Variants in ITGAE observed in about 807,000 individuals in gnomAD.
The protein encoded by ITGAE is integrin subunit alpha E.
ITGAE carries 99 observed loss-of-function variants against 136.5 expected under a neutral mutation model. The ratio of observed to expected loss-of-function variants is 0.73; its 90% CI spans 0.62 to 0.86. The LOEUF (loss-of-function observed/expected upper bound fraction) is 0.86. Ranked by LOEUF, ITGAE falls within the 40% of genes least tolerant of loss-of-function variation. The pLI is 0.00. For missense variants in ITGAE, 1,447 were observed against 1,515.3 expected (o/e 0.95, Z 0.75); for synonymous variants, 613 against 591.8 (o/e 1.04, Z -0.52).
intron 15 of ITGAE, among the ~76,000 whole-genome samples, 182 bp from the exon 16 acceptor site, chr17:3,750,664 G>T (rs750735212): frequency 6.6e-6 from 1 of 152,098 alleles, no homozygotes. Flanking sequence ...ATGGAGCCTC[G>T]AAGGGCAGGT....
chr17:3,751,103 T>C (rs1353064436), intron 15 of ITGAE, among the ~76,000 whole-genome samples: 2 of 151,254 alleles, frequency 1.3e-5, no homozygotes, highest in African/African-American at 2.4e-5. Flanking sequence ...GGGGATGAGG[T>C]CTCAGAGGAG....
At position 3,761,178 on chromosome 17, in the gene ITGAE, C is replaced by CT; in HGVS notation, c.434-2dup. ...CGTGCATCTGGATCCAGGAGATTTT[C>CT]TTTAAAAACACACATGGAAGAGCTC... is the stretch of plus-strand genomic sequence containing the variant. On this transcript the variant is annotated splice_acceptor_variant, in intron 5 of 30. Coordinates refer to ENST00000263087, the MANE Select transcript of ITGAE (RefSeq NM_002208.5). LOFTEE classifies it high-confidence loss of function. 1 of 1,585,700 alleles carries CT rather than the reference C, an allele frequency of 6.3e-7. No individual in the cohort carries two copies. Among genetic ancestry groups the CT allele is most frequent in the Non-Finnish European group, 8.6e-7 (1 of 1,162,972 alleles).
intron 18 of ITGAE, among the ~76,000 whole-genome samples, chr17:3,745,272 G>A (rs900097297): frequency 5.3e-5 from 8 of 152,136 alleles, no homozygotes; most frequent in Admixed American, 5.2e-4. Flanking sequence ...GCATTCCTGA[G>A]TTATTACCAA....
At position 3,762,478 on chromosome 17, in the gene ITGAE, C is replaced by A. The variant is rs1439323595; in HGVS notation, c.248-496G>T. Reference sequence around the variant, plus strand: ...CAGAAATGGTAGCTCCTTCCTCGTCCTCCCCACTGTCAGCCTCAGGATACT... The same window carrying A: ...CAGAAATGGTAGCTCCTTCCTCGTCATCCCCACTGTCAGCCTCAGGATACT... On this transcript the variant is annotated intron_variant, in intron 3 of 30. Transcript: ENST00000263087. Among the ~76,000 whole-genome samples, 3 of 152,126 alleles carry A rather than the reference C, an allele frequency of 2.0e-5. No homozygotes were observed. The South Asian group carries it at 6.2e-4, about 31-fold the overall frequency.
In ITGAE at chr17:3,784,607, A is replaced by C. The variant is rs535690605; in HGVS notation, c.35-6947T>G. On this transcript the variant is annotated intron_variant, in intron 1 of 30. Transcript: ENST00000263087. ...ACGGGGTTTCACCATGTTGGCCAGG[A>C]TGGTCTCAATCTCTTGACCTCGTGA... Among the ~76,000 whole-genome samples, 8 of 152,084 alleles carry C rather than the reference A, an allele frequency of 5.3e-5. No homozygotes were observed. The East Asian group carries it at 1.6e-3, about 30-fold the overall frequency.
At chr17:3,731,025 C>A in intron 23 of ITGAE, 79 bp downstream of exon 23, 1 of 1,176,248 alleles carries the variant, frequency 8.5e-7, no homozygotes, top group Non-Finnish European at 1.3e-6. Flanking sequence ...GGGGGCCGTT[C>A]CTCTCACAGC....
Position 3,749,685 on chromosome 17 carries a change from C to T in ITGAE, c.2024+667G>A, listed in dbSNP as rs371912728. Among the ~76,000 whole-genome samples the T allele has an allele frequency of 1.2e-4, 18 of 152,144 alleles. No homozygotes were observed. In the East Asian group the frequency reaches 1.5e-3, roughly 13 times the overall value. On this transcript the variant is annotated intron_variant, in intron 16 of 30. Coordinates refer to ENST00000263087, the MANE Select transcript of ITGAE (RefSeq NM_002208.5). ...CGCTCCATGAGCTCATTTACAGCCACGGGACTTGATCATTCACTGAGGGAT... is the reference window on the plus strand; with the variant it reads ...CGCTCCATGAGCTCATTTACAGCCATGGGACTTGATCATTCACTGAGGGAT...
chr17:3,717,839 G>A (rs368368591), intron 29 of ITGAE: 1 of 151,316 alleles, frequency 6.6e-6, no homozygotes, highest in Non-Finnish European at 1.5e-5. Flanking sequence ...TAGCAACAAA[G>A]AGGGAGGAAG....
chr17:3,775,171 G>A lies in ITGAE; in HGVS notation c.155+2369C>T, dbSNP rs576311174. On this transcript the variant is annotated intron_variant, in intron 2 of 30. Transcript: ENST00000263087. ...TCACTGTGTTACCCAGGCTGGTCTC[G>A]AACTCCTGGGCTCATGTGATCCACC... Among the ~76,000 whole-genome samples the A allele has an allele frequency of 6.6e-4, 101 of 151,956 alleles. 1 individual carries two copies. In the South Asian group the frequency reaches 0.02, roughly 30 times the overall value.
chr17:3,729,646 G>C (rs2051296423), intron 23 of ITGAE, 91 bp from the exon 24 acceptor site: 2 of 870,692 alleles, frequency 2.3e-6, no homozygotes, highest in Admixed American at 3.4e-5. Context: ...CCAGGCAGGA[G>C]TGCAGTGTTG....
At chr17:3,723,430 G>T in intron 27 of ITGAE, 47 bp from the exon 28 acceptor site, 2 of 1,400,298 alleles carry the variant, frequency 1.4e-6, no homozygotes, top group Non-Finnish European at 2.0e-6. Context: ...CGTGCGGAAA[G>T]TCTGAAATCT....
intron 2 of ITGAE, among the ~76,000 whole-genome samples, chr17:3,776,054 C>CTTTTTTTTTT (rs71153398): frequency 8.1e-6 from 1 of 122,850 alleles, no homozygotes; most frequent in Non-Finnish European, 1.7e-5. Context: ...GTGCTAAGCC[C>CTTTTTTTTTT]TTTTTTTTTT....
At chr17:3,792,408 C>T (rs1276960237) in intron 1 of ITGAE, among the ~76,000 whole-genome samples, 1 of 152,224 alleles carries the variant, frequency 6.6e-6, no homozygotes. Context: ...TGAGCCACCG[C>T]GCCCGGCCTG....
chr17:3,786,613 C>T (rs551995028), intron 1 of ITGAE, among the ~76,000 whole-genome samples: 9 of 152,198 alleles, frequency 5.9e-5, no homozygotes, highest in African/African-American at 9.6e-5. Context: ...ATAATACGGC[C>T]GGGTGCAGTG....
At chr17:3,754,809 A>C (rs1178456582) in intron 12 of ITGAE, 19 of 217,328 alleles carry the variant, frequency 8.7e-5, no homozygotes, top group Non-Finnish European at 1.1e-4. Flanking sequence ...GCCCTCACCC[A>C]GGTGGTCTCC....
At position 3,725,250 on chromosome 17, in the gene ITGAE, T is replaced by A. The variant is rs1425288051; in HGVS notation, c.3085-1506A>T. 1 of 1,614,092 alleles carries A rather than the reference T, an allele frequency of 6.2e-7. No individual in the cohort carries two copies. Among genetic ancestry groups the A allele is most frequent in the East Asian group, 2.2e-5 (1 of 44,900 alleles). ...TGGTGCTCCGTCCTCTTGGCACTCC[T>A]CCTCTATGTATTTGCTAAGCCCCTT... On this transcript the variant is annotated intron_variant, in intron 26 of 30. Transcript: ENST00000263087.
intron 29 of ITGAE, 40 bp downstream of exon 29, chr17:3,720,267 A>G: frequency 1.0e-6 from 1 of 977,720 alleles, no homozygotes; most frequent in Middle Eastern, 2.1e-4. Flanking sequence ...GTTAGGCACA[A>G]TTTTCCTTGG....
chr17:3,753,304 G>A lies in ITGAE; in HGVS notation c.1654C>T (p.Arg552Cys), dbSNP rs767101124. Reference sequence around the variant, plus strand: ...GACTCTCCCACCTGCTCGCTGAGACGGTACACGTAGACTCTGCCTTCTTCT... The same window carrying A: ...GACTCTCCCACCTGCTCGCTGAGACAGTACACGTAGACTCTGCCTTCTTCT... ...HGEEGRVYVY[R>C]LSEQDGSFSL... Residue 552 changes from arginine (R) to cysteine (C), a missense_variant, in exon 14 of 31, where the codon CGT becomes TGT. Coordinates refer to ENST00000263087, the MANE Select transcript of ITGAE (RefSeq NM_002208.5). 4.0e-5 allele frequency: 64 copies of A among 1,613,924 alleles called. No homozygotes were observed. Among genetic ancestry groups the A allele is most frequent in the Admixed American group, 8.3e-5 (5 of 59,994 alleles).
chr17:3,771,087 C>A (rs2052409541), intron 2 of ITGAE, among the ~76,000 whole-genome samples: 1 of 148,476 alleles, frequency 6.7e-6, no homozygotes, highest in South Asian at 2.1e-4. Flanking sequence ...GGGATCAACT[C>A]TGAGGGATTA....
Sources: gnomAD v4.1 joint callset for allele counts (sites outside exome capture counted in the v4.1 genomes callset) on GRCh38, gnomAD v4.1.1 for gene constraint, MANE v1.5 for transcripts, NCBI Gene and HGNC (gene_info 2026-07-23, HGNC 2026-07-21) for gene names.